The following UGGT2 variants were observed in gnomAD, a reference collection of about 807,000 sequenced individuals.
UGGT2 encodes the protein UDP-glucose:glycoprotein glucosyltransferase 2.
In UGGT2, 180 loss-of-function variants were observed where a neutral mutation model predicts 192.1. That is an observed-to-expected ratio of 0.94 (90% confidence interval 0.83 to 1.06). The LOEUF is 1.06. UGGT2 is among the 50% of genes least tolerant of loss of function. The pLI is 0.00. For missense variants in UGGT2, 1,849 were observed against 1,795.7 expected, an observed-to-expected ratio of 1.03 and a Z score of -0.54; for synonymous variants, 580 against 591.0, an observed-to-expected ratio of 0.98 and a Z score of 0.27.
intron 17 of UGGT2, among the ~76,000 whole-genome samples, chr13:95,933,059 C>T (rs1424111282): frequency 6.6e-6 from 1 of 152,002 alleles, no homozygotes; most frequent in Non-Finnish European, 1.5e-5. Flanking sequence ...TGCATGTTTG[C>T]CAGGTTTTGG....
At position 95,810,619 on chromosome 13, in the gene UGGT2, A is replaced by C. The variant is rs181436714; in HGVS notation, c.4529-8807T>G. ...TCTGCAAGTTTTTTCAAATTGTTGC[A>C]AATATCCAAAAATTTTTCCAATATG... is the stretch of plus-strand genomic sequence containing the variant. On this transcript the variant is annotated intron_variant, in intron 38 of 38. Transcript: ENST00000376747. 1.4e-4 allele frequency among the ~76,000 whole-genome samples: 22 copies of C among 152,312 alleles called. No individual in the cohort carries two copies. The East Asian group carries it at 3.9e-3, about 27-fold the overall frequency.
intron 15 of UGGT2, among the ~76,000 whole-genome samples, chr13:95,945,020 T>C (rs2049817272): frequency 6.6e-6 from 1 of 151,936 alleles, no homozygotes; most frequent in African/African-American, 2.4e-5. Context: ...CCCTAATATT[T>C]TATGGCTACC....
At chr13:95,913,567 A>G (rs1400849010) in intron 20 of UGGT2, among the ~76,000 whole-genome samples, 1 of 152,212 alleles carries the variant, frequency 6.6e-6, no homozygotes, top group African/African-American at 2.4e-5. Context: ...AATAGCAATC[A>G]TTTAAAAAGT....
At chr13:95,841,400 T>C (rs528123162) in intron 36 of UGGT2, among the ~76,000 whole-genome samples, 1 of 152,260 alleles carries the variant, frequency 6.6e-6, no homozygotes, top group African/African-American at 2.4e-5. Flanking sequence ...TTGGTCCTCC[T>C]CTATTGGGGA....
chr13:95,934,512 C>T (rs536523611), intron 17 of UGGT2, among the ~76,000 whole-genome samples: 2 of 152,326 alleles, frequency 1.3e-5, no homozygotes, highest in African/African-American at 4.8e-5. Context: ...GGCTCAAAAC[C>T]TCATGTACCA....
intron 1 of UGGT2, among the ~76,000 whole-genome samples, chr13:96,050,197 T>G (rs1419205507): frequency 6.6e-6 from 1 of 152,174 alleles, no homozygotes; most frequent in African/African-American, 2.4e-5. Flanking sequence ...CCATCTGATC[T>G]TTGACAAATC....
intron 38 of UGGT2, among the ~76,000 whole-genome samples, chr13:95,817,077 G>A (rs903988417): frequency 6.6e-6 from 1 of 152,098 alleles, no homozygotes; most frequent in Non-Finnish European, 1.5e-5. Context: ...GCAGTGAGCT[G>A]AGATCACACC....
chr13:95,940,100 A>G lies in UGGT2; in HGVS notation c.1678-9T>C. 1 of 1,434,498 alleles carries G rather than the reference A, an allele frequency of 7.0e-7. No homozygotes were observed. Among genetic ancestry groups the G allele is most frequent in the South Asian group, 1.4e-5 (1 of 70,900 alleles). 88.9% of individuals were successfully genotyped at this position (1,434,498 alleles called of 1,614,324 possible). On this transcript the variant is annotated splice_polypyrimidine_tract_variant and intron_variant, in intron 15 of 38. Coordinates refer to ENST00000376747, the MANE Select transcript of UGGT2 (RefSeq NM_020121.4). ...TTCACTTTTTGGTACATCTGTGAAA[A>G]TTTAGATATTATAATTAATTTTCTT...
chr13:95,853,607 T>A lies in UGGT2; in HGVS notation c.4220A>T (p.Asp1407Val). The part of the protein sequence containing the change: ...LKKFRRIGAG[D>V]RLRSQYQALS... Reference sequence around the variant, plus strand: ...AGCTTGATACTGGCTCCTGAGCCTGTCACCTGCTCCAATTCTCCTGAACTT... The same window carrying A: ...AGCTTGATACTGGCTCCTGAGCCTGACACCTGCTCCAATTCTCCTGAACTT... Residue 1407 changes from aspartate (D) to valine (V), a missense_variant, in exon 36 of 39, where the codon GAC (aspartate) becomes GTC (valine). Physicochemically the swap from Asp to Val is radical, Grantham distance 152. Transcript: ENST00000376747. 6.3e-7 allele frequency: 1 copy of A among 1,598,714 alleles called. No individual in the cohort carries two copies. Among genetic ancestry groups the A allele is most frequent in the Non-Finnish European group, 8.5e-7 (1 of 1,175,744 alleles).
chr13:95,989,336 A>G (rs985738391), intron 8 of UGGT2, among the ~76,000 whole-genome samples: 8 of 152,122 alleles, frequency 5.3e-5, no homozygotes, highest in African/African-American at 1.4e-4. Flanking sequence ...TATATTTTTA[A>G]AAGTTGATAA....
chr13:95,943,910 T>C (rs1195739035), intron 15 of UGGT2, among the ~76,000 whole-genome samples: 1 of 152,030 alleles, frequency 6.6e-6, no homozygotes, highest in Non-Finnish European at 1.5e-5. Flanking sequence ...TGTCATCAAT[T>C]AACAAAATTC....
chr13:95,990,568 A>G (rs1219591370), intron 7 of UGGT2: 3 of 152,254 alleles, frequency 2.0e-5, no homozygotes, highest in African/African-American at 7.2e-5. Context: ...TAGAGAGCCA[A>G]ATAATGATGT....
intron 6 of UGGT2, among the ~76,000 whole-genome samples, chr13:95,997,421 G>A (rs987678699): frequency 2.2e-4 from 33 of 152,130 alleles, no homozygotes; most frequent in African/African-American, 7.7e-4. Context: ...GCTGAGGTGG[G>A]TGAATCACAA....
At chr13:95,985,242 T>A in intron 9 of UGGT2, 2 of 1,224,518 alleles carry the variant, frequency 1.6e-6, no homozygotes, top group South Asian at 2.6e-5. Context: ...TACACACCCA[T>A]ATATATTTCA....
At chr13:95,824,168 C>T (rs1420179995) in intron 38 of UGGT2, among the ~76,000 whole-genome samples, 3 of 152,104 alleles carry the variant, frequency 2.0e-5, no homozygotes, top group Non-Finnish European at 4.4e-5. Context: ...TGCTGTTAGT[C>T]GGATAGGTTT....
intron 38 of UGGT2, among the ~76,000 whole-genome samples, chr13:95,816,658 G>A (rs1884927825): frequency 6.6e-6 from 1 of 152,192 alleles, no homozygotes; most frequent in Admixed American, 6.5e-5. Flanking sequence ...TTCAATGTAT[G>A]GCACTGGAGG....
chr13:95,888,071 T>A (rs969462773), intron 25 of UGGT2, 100 bp from the exon 26 acceptor site: 10 of 764,034 alleles, frequency 1.3e-5, no homozygotes, highest in East Asian at 5.8e-5. Context: ...AAACTTTATG[T>A]TCATTATCTC....
chr13:95,984,441 G>A (rs1195733493), intron 9 of UGGT2, among the ~76,000 whole-genome samples: 4 of 151,994 alleles, frequency 2.6e-5, no homozygotes, highest in African/African-American at 9.7e-5. Context: ...TGATTCTCCT[G>A]CCTCAGCCTC....
chr13:95,831,337 C>T (rs1475624042), intron 38 of UGGT2, among the ~76,000 whole-genome samples: 1 of 152,044 alleles, frequency 6.6e-6, no homozygotes, highest in Non-Finnish European at 1.5e-5. Flanking sequence ...CATATCTATA[C>T]ACAAACACAT....
Sources: gnomAD v4.1 joint callset for allele counts (sites outside exome capture counted in the v4.1 genomes callset) on GRCh38, gnomAD v4.1.1 for gene constraint, MANE v1.5 for transcripts, NCBI Gene and HGNC (gene_info 2026-07-23, HGNC 2026-07-21) for gene names.